UNC5D: variants seen among roughly 807,000 people sequenced by gnomAD.
The protein encoded by UNC5D is unc-5 netrin receptor D, also known as netrin receptor UNC5D.
UNC5D carries 39 observed loss-of-function variants against 105.4 expected under a neutral mutation model. That is an observed-to-expected ratio of 0.37 (90% CI 0.29 to 0.48). The LOEUF (loss-of-function observed/expected upper bound fraction) is 0.48. UNC5D is among the 20% of genes least tolerant of loss of function. The pLI is 0.98. For missense variants in UNC5D, 991 were observed against 1,202.4 expected, an observed-to-expected ratio of 0.82 and a Z score of 2.60; for synonymous variants, 452 against 450.4, an observed-to-expected ratio of 1.00 and a Z score of -0.04.
At chr8:35,700,053 G>A (rs776872731) in intron 7 of UNC5D, among the ~76,000 whole-genome samples, 8 of 152,138 alleles carry the variant, frequency 5.3e-5, no homozygotes, top group Non-Finnish European at 7.3e-5. Flanking sequence ...GACATATTCC[G>A]GCATAGTGTT....
chr8:35,381,546 G>A (rs1433645803), intron 1 of UNC5D, among the ~76,000 whole-genome samples: 1 of 152,174 alleles, frequency 6.6e-6, no homozygotes, highest in African/African-American at 2.4e-5. Context: ...CCGTGATTAT[G>A]TGTCTTAACT....
intron 2 of UNC5D, among the ~76,000 whole-genome samples, chr8:35,567,158 TA>T (rs1247714675): frequency 3.3e-5 from 5 of 152,118 alleles, no homozygotes; most frequent in Non-Finnish European, 5.9e-5. Context: ...ACTCTTTCTA[TA>T]AAAACCCCCC....
At chr8:35,321,577 C>T (rs1809748533) in intron 1 of UNC5D, among the ~76,000 whole-genome samples, 1 of 152,164 alleles carries the variant, frequency 6.6e-6, no homozygotes, top group Admixed American at 6.6e-5. Context: ...GTCTATTAAA[C>T]CTCTTTCCTT....
At chr8:35,292,340 T>C (rs769676453) in intron 1 of UNC5D, among the ~76,000 whole-genome samples, 22 of 152,244 alleles carry the variant, frequency 1.4e-4, no homozygotes, top group Admixed American at 8.5e-4. Context: ...CTTTGCCAAA[T>C]TGCATTGCTA....
At chr8:35,469,208 T>C (rs1424511904) in intron 1 of UNC5D, among the ~76,000 whole-genome samples, 1 of 152,224 alleles carries the variant, frequency 6.6e-6, no homozygotes, top group Non-Finnish European at 1.5e-5. Context: ...GTATACTTAT[T>C]AGTTAATACT....
chr8:35,526,329 C>G (rs181413129), intron 1 of UNC5D, among the ~76,000 whole-genome samples: 1 of 152,152 alleles, frequency 6.6e-6, no homozygotes, highest in Non-Finnish European at 1.5e-5. Flanking sequence ...CTCCCTGAGT[C>G]CTTGGACACT....
intron 1 of UNC5D, among the ~76,000 whole-genome samples, chr8:35,443,368 A>T (rs1262664103): frequency 1.3e-5 from 2 of 151,674 alleles, no homozygotes; most frequent in Non-Finnish European, 2.9e-5. Flanking sequence ...ACAGACTCCC[A>T]CAGAATGCTG....
chr8:35,289,755 GAAGACATATA>G (rs1416575762), intron 1 of UNC5D, among the ~76,000 whole-genome samples: 1 of 152,104 alleles, frequency 6.6e-6, no homozygotes, highest in African/African-American at 2.4e-5. Context: ...TTTTTGAAAA[GAAGACATATA>G]AATGGCCAAT....
intron 1 of UNC5D, among the ~76,000 whole-genome samples, chr8:35,444,615 C>T (rs1302790974): frequency 6.6e-6 from 1 of 152,008 alleles, no homozygotes; most frequent in Non-Finnish European, 1.5e-5. Context: ...CTCATGCCTT[C>T]ATTAATCCTA....
chr8:35,726,688 A>G (rs1828898615), intron 10 of UNC5D, 159 bp downstream of exon 10: 1 of 1,118,404 alleles, frequency 8.9e-7, no homozygotes, highest in Non-Finnish European at 1.3e-6. Context: ...ACAGCAAACC[A>G]GAACCAATGC....
At chr8:35,725,525 A>G (rs1420835177) in intron 9 of UNC5D, among the ~76,000 whole-genome samples, 2 of 152,078 alleles carry the variant, frequency 1.3e-5, no homozygotes, top group Admixed American at 1.3e-4. Flanking sequence ...TTTCCCTCGC[A>G]GAGTGACATA....
At chr8:35,293,089 C>T (rs1366764924) in intron 1 of UNC5D, among the ~76,000 whole-genome samples, 2 of 151,974 alleles carry the variant, frequency 1.3e-5, no homozygotes, top group Non-Finnish European at 2.9e-5. Context: ...AGAAGTGGAC[C>T]ATCATAAAAG....
At chr8:35,740,488 G>A (rs1243943029) in intron 11 of UNC5D, among the ~76,000 whole-genome samples, 1 of 152,162 alleles carries the variant, frequency 6.6e-6, no homozygotes, top group Non-Finnish European at 1.5e-5. Context: ...TGAGGCTTCT[G>A]ACCTAGAGAA....
intron 1 of UNC5D, among the ~76,000 whole-genome samples, chr8:35,464,632 C>CT (rs912362397): frequency 2.5e-4 from 38 of 152,042 alleles, no homozygotes; most frequent in Non-Finnish European, 5.3e-4. Flanking sequence ...CCTCTGTTTC[C>CT]TTTTTTTCTT....
At chr8:35,662,348 G>A (rs1824162220) in intron 4 of UNC5D, among the ~76,000 whole-genome samples, 1 of 152,166 alleles carries the variant, frequency 6.6e-6, no homozygotes, top group Admixed American at 6.5e-5. Flanking sequence ...GCAGTAGTTC[G>A]TAAAGCAGAT....
At chr8:35,415,268 G>T (rs867566165) in intron 1 of UNC5D, among the ~76,000 whole-genome samples, 1 of 151,994 alleles carries the variant, frequency 6.6e-6, no homozygotes, top group African/African-American at 2.4e-5. Context: ...CTTTATTGTT[G>T]TCTGGATACT....
At chr8:35,295,351 T>G (rs1008117268) in intron 1 of UNC5D, among the ~76,000 whole-genome samples, 2 of 152,202 alleles carry the variant, frequency 1.3e-5, no homozygotes, top group Non-Finnish European at 2.9e-5. Context: ...TATTTCTTAA[T>G]TTTTAAAATA....
At chr8:35,349,527 T>C (rs936312448) in intron 1 of UNC5D, among the ~76,000 whole-genome samples, 5 of 152,018 alleles carry the variant, frequency 3.3e-5, no homozygotes, top group African/African-American at 2.4e-5. Context: ...ATTCTAATTT[T>C]CAATCAAAAG....
intron 3 of UNC5D, among the ~76,000 whole-genome samples, chr8:35,569,490 C>T (rs891460134): frequency 1.3e-5 from 2 of 152,184 alleles, no homozygotes; most frequent in African/African-American, 2.4e-5. Flanking sequence ...ATCTTCCTCT[C>T]AAAACACACA....
Sources: allele counts gnomAD v4.1 joint callset (sites outside exome capture counted in the v4.1 genomes callset), GRCh38; gene constraint gnomAD v4.1.1; transcripts MANE v1.5; gene names NCBI Gene and HGNC (gene_info 2026-07-23, HGNC 2026-07-21).